Variants in ARHGEF12 observed in about 807,000 individuals in gnomAD.
ARHGEF12 encodes Rho guanine nucleotide exchange factor 12.
A neutral mutation model predicts 211.2 loss-of-function variants in ARHGEF12; 66 were observed. The ratio of observed to expected loss-of-function variants is 0.31; its 90% CI spans 0.26 to 0.38. The LOEUF is 0.38. ARHGEF12 is among the 10% of genes least tolerant of loss of function. ARHGEF12 has a pLI of 1.00. For missense variants in ARHGEF12, 1,429 were observed against 1,869.5 expected (o/e 0.76, Z 4.34); for synonymous variants, 592 against 638.4 (o/e 0.93, Z 1.09).
intron 1 of ARHGEF12, among the ~76,000 whole-genome samples, chr11:120,382,557 G>C (rs1943906190): frequency 6.6e-6 from 1 of 152,230 alleles, no homozygotes; most frequent in Non-Finnish European, 1.5e-5. Flanking sequence ...CGCTGGTACA[G>C]CTTTAGCTGA....
chr11:120,480,171 C>G lies in ARHGEF12; in HGVS notation c.3978C>G (p.Tyr1326Ter). ...GAACTGGTGACATTGCAACTTGTTACAGTCCACGGACTTCAACTGAATCTT... is the reference window on the plus strand; with the variant it reads ...GAACTGGTGACATTGCAACTTGTTAGAGTCCACGGACTTCAACTGAATCTT... ...RTGTGDIATC[Y>*]SPRTSTESFA... The change falls in exon 38 of 41, where the codon TAC becomes TAG. Residue 1326 changes from tyrosine to a stop codon, truncating the protein, a stop_gained. Coordinates refer to ENST00000397843, the MANE Select transcript of ARHGEF12 (RefSeq NM_015313.3). LOFTEE classifies it high-confidence loss of function. 1 of 1,614,234 alleles carries G rather than the reference C, an allele frequency of 6.2e-7. No homozygotes were observed. The highest frequency in any genetic ancestry group is 8.5e-7 in the Non-Finnish European group (1 of 1,180,026).
intron 1 of ARHGEF12, among the ~76,000 whole-genome samples, chr11:120,388,012 A>T (rs963407720): frequency 2.0e-5 from 3 of 152,182 alleles, no homozygotes; most frequent in Non-Finnish European, 4.4e-5. Context: ...CACGATTAGG[A>T]AACTATCACC....
At chr11:120,440,023 T>A (rs913496402) in intron 12 of ARHGEF12, 106 bp from the exon 13 acceptor site, 1 of 793,322 alleles carries the variant, frequency 1.3e-6, no homozygotes, top group Non-Finnish European at 2.1e-6. Context: ...CAAAAAGAAA[T>A]CTCACCATTT....
chr11:120,339,534 G>A (rs1271251098), intron 1 of ARHGEF12, among the ~76,000 whole-genome samples: 1 of 152,220 alleles, frequency 6.6e-6, no homozygotes, highest in Non-Finnish European at 1.5e-5. Flanking sequence ...TAGCTTTTTA[G>A]ATAGAGATCC....
chr11:120,340,633 A>G (rs1384515772), intron 1 of ARHGEF12, among the ~76,000 whole-genome samples: 1 of 152,080 alleles, frequency 6.6e-6, no homozygotes, highest in African/African-American at 2.4e-5. Context: ...ACTCATGTTT[A>G]TATGTTATTT....
chr11:120,389,347 G>A (rs748403452), intron 1 of ARHGEF12, among the ~76,000 whole-genome samples: 10 of 152,052 alleles, frequency 6.6e-5, no homozygotes, highest in African/African-American at 1.2e-4. Context: ...TTCGTAGATT[G>A]TGCTTTTGCT....
intron 11 of ARHGEF12, among the ~76,000 whole-genome samples, chr11:120,435,858 A>G (rs996095029): frequency 6.6e-6 from 1 of 152,106 alleles, no homozygotes; most frequent in Non-Finnish European, 1.5e-5. Flanking sequence ...TTTATGATCA[A>G]AATGCCTAGA....
At chr11:120,357,687 G>A (rs1046146000) in intron 1 of ARHGEF12, among the ~76,000 whole-genome samples, 7 of 151,968 alleles carry the variant, frequency 4.6e-5, no homozygotes, top group Non-Finnish European at 1.0e-4. Context: ...CTTGTGCCTC[G>A]GCCTCCCAAA....
chr11:120,476,751 A>G lies in ARHGEF12; in HGVS notation c.3365+3A>G. ...CAGACAGTTTCTGAAAAGACTGTGT[A>G]TGTATCAGATATGGCTACCTTGCTA... On this transcript the variant is annotated splice_donor_region_variant and intron_variant, in intron 34 of 40. Transcript: ENST00000397843. 6.2e-7 allele frequency: 1 copy of G among 1,601,776 alleles called. No homozygotes were observed. Among genetic ancestry groups the G allele is most frequent in the Non-Finnish European group, 8.5e-7 (1 of 1,170,632 alleles).
chr11:120,442,358 T>TTA (rs1555114148), intron 15 of ARHGEF12, among the ~76,000 whole-genome samples, 156 bp downstream of exon 15: 1 of 150,478 alleles, frequency 6.6e-6, no homozygotes, highest in African/African-American at 2.4e-5. Context: ...TTTTTTTTTT[T>TTA]ATCATTTCTA....
At position 120,463,543 on chromosome 11, in the gene ARHGEF12, A is replaced by C. The variant is rs980078325; in HGVS notation, c.2614-1694A>C. ...TCAGTCTCAAAAAAAAAAAAAAAAA[A>C]AAACCAAAAAAAACTACTGTAGAAC... On this transcript the variant is annotated intron_variant, in intron 27 of 40. Transcript: ENST00000397843. 7 of 152,496 alleles carry C rather than the reference A, an allele frequency of 4.6e-5. No homozygotes were observed. The East Asian group carries it at 1.3e-3, about 29-fold the overall frequency. The allele number at this position is 152,496 out of a possible 1,614,324, so 9.4% of individuals were successfully genotyped here. A position where few individuals can be genotyped will look rare whatever the true frequency, so the allele number is the denominator to read the frequency against.
rs1268699325 is a variant in ARHGEF12, at chr11:120,485,467, C to T, written c.*390C>T. On this transcript the variant is annotated 3_prime_UTR_variant, in exon 41 of 41. Coordinates refer to ENST00000397843, the MANE Select transcript of ARHGEF12 (RefSeq NM_015313.3). ...AAAGCACATTTTAATTTTTATTTGC[C>T]TTGTTTTGTTTTAATTGAGTAGTGA... 2.0e-5 allele frequency: 5 copies of T among 247,496 alleles called. No homozygotes were observed. The highest frequency in any genetic ancestry group is 3.9e-5 in the Non-Finnish European group (5 of 126,794). 15.3% of individuals were successfully genotyped at this position (247,496 alleles called of 1,614,324 possible). A position where few individuals can be genotyped will look rare whatever the true frequency, so the allele number is the denominator to read the frequency against.
intron 1 of ARHGEF12, among the ~76,000 whole-genome samples, chr11:120,358,351 G>T (rs1288387795): frequency 6.6e-6 from 1 of 152,124 alleles, no homozygotes; most frequent in Admixed American, 6.5e-5. Flanking sequence ...GGCTTTCTGG[G>T]TTGTGTCCTT....
intron 30 of ARHGEF12, among the ~76,000 whole-genome samples, chr11:120,471,040 C>G (rs1565507941): frequency 6.6e-6 from 1 of 152,140 alleles, no homozygotes; most frequent in East Asian, 1.9e-4. Flanking sequence ...TGGCACATAA[C>G]AAATTAACTA....
At chr11:120,376,875 G>T (rs1199296918) in intron 1 of ARHGEF12, among the ~76,000 whole-genome samples, 1 of 152,102 alleles carries the variant, frequency 6.6e-6, no homozygotes, top group East Asian at 1.9e-4. Context: ...TCCCACAAAT[G>T]AATGAGAGCA....
intron 1 of ARHGEF12, among the ~76,000 whole-genome samples, chr11:120,341,482 C>G (rs1035748023): frequency 1.3e-5 from 2 of 152,126 alleles, no homozygotes; most frequent in Non-Finnish European, 2.9e-5. Context: ...TTCTGTGGAG[C>G]ATTGCGATTC....
chr11:120,370,212 A>C (rs1368004219), intron 1 of ARHGEF12, among the ~76,000 whole-genome samples: 1 of 152,152 alleles, frequency 6.6e-6, no homozygotes, highest in Non-Finnish European at 1.5e-5. Context: ...TTTCATGTGG[A>C]GAATCAGTCG....
At chr11:120,446,699 C>A (rs1946057921) in intron 17 of ARHGEF12, among the ~76,000 whole-genome samples, 191 bp downstream of exon 17, 2 of 152,098 alleles carry the variant, frequency 1.3e-5, no homozygotes, top group Non-Finnish European at 2.9e-5. Context: ...CCATTCCAGG[C>A]ACTTGCAGGA....
intron 4 of ARHGEF12, among the ~76,000 whole-genome samples, chr11:120,419,085 G>T (rs557812261): frequency 1.3e-3 from 193 of 151,298 alleles, no homozygotes; most frequent in African/African-American, 4.2e-3. Flanking sequence ...TCAGCCTCCC[G>T]AGTAGCTGGG....
Sources: allele counts gnomAD v4.1 joint callset (sites outside exome capture counted in the v4.1 genomes callset), GRCh38; gene constraint gnomAD v4.1.1; transcripts MANE v1.5; gene names NCBI Gene and HGNC (gene_info 2026-07-23, HGNC 2026-07-21).